The following SH3YL1 variants were observed in gnomAD, a reference collection of about 807,000 sequenced individuals.
SH3YL1 encodes SH3 and SYLF domain containing 1.
Under a neutral mutation model 45.8 loss-of-function variants are expected in SH3YL1, and 41 were observed. The ratio of observed to expected loss-of-function variants is 0.89; its 90% confidence interval spans 0.70 to 1.16. The LOEUF is 1.16. SH3YL1 is among the 50% of genes most tolerant of loss of function. The pLI is 0.00. For synonymous variants in SH3YL1, 152 were observed against 151.4 expected, an observed-to-expected ratio of 1.00 and a Z score of -0.03; for missense variants, 389 against 409.6, an observed-to-expected ratio of 0.95 and a Z score of 0.43.
At chr2:234,531 C>T (rs112902279) in intron 4 of SH3YL1, among the ~76,000 whole-genome samples, 6 of 152,290 alleles carry the variant, frequency 3.9e-5, no homozygotes, top group African/African-American at 1.4e-4. Context: ...TGCATCATGT[C>T]CTTCAATCTT....
intron 4 of SH3YL1, among the ~76,000 whole-genome samples, chr2:236,185 C>T (rs1333881698): frequency 1.8e-5 from 1 of 56,022 alleles, no homozygotes; most frequent in African/African-American, 6.0e-5. Flanking sequence ...GCAGCACGGG[C>T]CAGGGGAGGC....
intron 4 of SH3YL1, among the ~76,000 whole-genome samples, chr2:244,966 G>A (rs1668727349): frequency 6.6e-6 from 1 of 152,068 alleles, no homozygotes; most frequent in African/African-American, 2.4e-5. Flanking sequence ...CCCCTCCGTG[G>A]TCTCAGTGGG....
At chr2:252,395 G>C (rs928500554) in intron 2 of SH3YL1, among the ~76,000 whole-genome samples, 3 of 152,220 alleles carry the variant, frequency 2.0e-5, no homozygotes, top group African/African-American at 7.2e-5. Flanking sequence ...CGAGGCTGCA[G>C]AGAGCTCAAG....
chr2:252,339 GC>G (rs1669104380), intron 2 of SH3YL1, among the ~76,000 whole-genome samples: 1 of 152,232 alleles, frequency 6.6e-6, no homozygotes. Context: ...TGGTGAGTTT[GC>G]GAGGTTAGCT....
chr2:245,912 A>G (rs1668778805), intron 4 of SH3YL1, among the ~76,000 whole-genome samples: 1 of 152,144 alleles, frequency 6.6e-6, no homozygotes, highest in African/African-American at 2.4e-5. Context: ...GTATCAGTCT[A>G]AGGCCCAGCA....
intron 3 of SH3YL1, among the ~76,000 whole-genome samples, chr2:247,968 G>A (rs2103045710): frequency 6.6e-6 from 1 of 152,284 alleles, no homozygotes; most frequent in South Asian, 2.1e-4. Flanking sequence ...CTAGTCTTCA[G>A]CTAGAATTTT....
chr2:247,666 A>G, intron 3 of SH3YL1, 64 bp from the exon 4 acceptor site: 1 of 1,294,480 alleles, frequency 7.7e-7, no homozygotes, highest in Non-Finnish European at 1.1e-6. Flanking sequence ...AAATATAGGA[A>G]GGAAAAATGC....
At chr2:257,314 T>C (rs550950488) in intron 1 of SH3YL1, among the ~76,000 whole-genome samples, 3 of 152,256 alleles carry the variant, frequency 2.0e-5, no homozygotes, top group Non-Finnish European at 4.4e-5. Flanking sequence ...CCAGCGATTA[T>C]GTCCACAATG....
At chr2:236,691 C>T (rs1011349613) in intron 4 of SH3YL1, among the ~76,000 whole-genome samples, 5 of 152,264 alleles carry the variant, frequency 3.3e-5, no homozygotes, top group South Asian at 4.1e-4. Flanking sequence ...CAAGCAGACT[C>T]GTGCTTAAAA....
At chr2:264,365 C>T (rs1322201304), upstream of SH3YL1, 4 of 235,054 alleles carry the variant, frequency 1.7e-5, no homozygotes, top group East Asian at 8.4e-5. Context: ...CCCCTCTATG[C>T]GAACTCGAAC....
Position 218,772 on chromosome 2 carries a change from A to AT in SH3YL1, c.*38dup, listed in dbSNP as rs1164079533. The AT allele has an allele frequency of 3.4e-6, 5 of 1,489,168 alleles. No individual in the cohort carries two copies. The highest frequency in any genetic ancestry group is 1.4e-5 in the South Asian group (1 of 72,048). 92.2% of individuals were successfully genotyped at this position (1,489,168 alleles called of 1,614,324 possible). A position where few individuals can be genotyped will look rare whatever the true frequency, so the allele number is the denominator to read the frequency against. On this transcript the variant is annotated 3_prime_UTR_variant, in exon 10 of 10. Coordinates refer to ENST00000356150, the MANE Select transcript of SH3YL1 (RefSeq NM_015677.4). The stretch of plus-strand genomic sequence containing the variant: ...AGTAAATCCTGTCAGTGTAGAAATA[A>AT]TTTTTTTGTAATTCTCAAAGAAGAA...
At chr2:253,357 T>C (rs1056765925) in intron 1 of SH3YL1, among the ~76,000 whole-genome samples, 4 of 152,164 alleles carry the variant, frequency 2.6e-5, no homozygotes, top group African/African-American at 9.7e-5. Context: ...ACGAAGACCT[T>C]GCTGATAAAA....
At chr2:251,094 C>T (rs949452674) in intron 2 of SH3YL1, among the ~76,000 whole-genome samples, 8 of 152,166 alleles carry the variant, frequency 5.3e-5, no homozygotes, top group Non-Finnish European at 1.0e-4. Context: ...TTAAAATGGA[C>T]ATATTCCACA....
chr2:222,184 A>G (rs1667608781), intron 9 of SH3YL1, among the ~76,000 whole-genome samples: 1 of 152,184 alleles, frequency 6.6e-6, no homozygotes, highest in South Asian at 2.1e-4. Context: ...CCTTTATAAT[A>G]TTCAAGTTTA....
At chr2:237,105 A>G (rs1184093012) in intron 4 of SH3YL1, among the ~76,000 whole-genome samples, 12 of 143,512 alleles carry the variant, frequency 8.4e-5, no homozygotes, top group Admixed American at 7.9e-4. Flanking sequence ...GTATTTTTAG[A>G]TAACAAATTT....
chr2:246,511 A>T (rs1338846734), intron 4 of SH3YL1, among the ~76,000 whole-genome samples: 1 of 151,808 alleles, frequency 6.6e-6, no homozygotes, highest in Non-Finnish European at 1.5e-5. Context: ...ACAGGTTGTG[A>T]CTTAGCACAG....
chr2:218,634 T>G lies in SH3YL1; in HGVS notation c.*177A>C, dbSNP rs1241830228. Reference sequence around the variant, plus strand: ...TGTGATAAAGTTAGTACAAAGTATTTAAAGATATGTCAGTCAGCTCTTTTT... The same window carrying G: ...TGTGATAAAGTTAGTACAAAGTATTGAAAGATATGTCAGTCAGCTCTTTTT... On this transcript the variant is annotated 3_prime_UTR_variant, in exon 10 of 10. Coordinates refer to ENST00000356150, the MANE Select transcript of SH3YL1 (RefSeq NM_015677.4). 2 of 575,118 alleles carry G rather than the reference T, an allele frequency of 3.5e-6. No homozygotes were observed. Among genetic ancestry groups the G allele is most frequent in the Non-Finnish European group, 6.0e-6 (2 of 330,790 alleles). The allele number at this position is 575,118 out of a possible 1,614,324, so 35.6% of individuals were successfully genotyped here.
intron 1 of SH3YL1, chr2:260,130 T>C (rs1365992374): frequency 6.6e-6 from 1 of 152,210 alleles, no homozygotes; most frequent in Non-Finnish European, 1.5e-5. Context: ...TTGATTCCTA[T>C]TGCGAAACAT....
At chr2:264,806 G>A (rs539121873), upstream of SH3YL1, 385 of 780,572 alleles carry the variant, frequency 4.9e-4, 1 homozygote, top group African/African-American at 5.5e-3. Flanking sequence ...CTCCGCAGGC[G>A]CACTGGAGCC....
Sources: allele counts gnomAD v4.1 joint callset (sites outside exome capture counted in the v4.1 genomes callset), GRCh38; gene constraint gnomAD v4.1.1; transcripts MANE v1.5; gene names NCBI Gene and HGNC (gene_info 2026-07-23, HGNC 2026-07-21).